CYSLTR2: variants seen among roughly 807,000 people sequenced by gnomAD.
CYSLTR2 encodes the protein G-protein coupled receptor GPCR21.
For missense variants in CYSLTR2, 398 were observed against 411.9 expected, an observed-to-expected ratio of 0.97 and a Z score of 0.29; for synonymous variants, 179 against 160.8, an observed-to-expected ratio of 1.11 and a Z score of -0.86.
Position 48,709,095 on chromosome 13 carries a change from G to A in CYSLTR2, c.*1237G>A, listed in dbSNP as rs574932004. On this transcript the variant is annotated 3_prime_UTR_variant, in exon 5 of 5. Coordinates refer to ENST00000682523, the MANE Select transcript of CYSLTR2 (RefSeq NM_001308476.3). ...TAGAGAAATTAAGAAGCTTGTTTAA[G>A]TTTACACAGCTAGTAAGAGTTTTAA... The A allele has an allele frequency of 2.4e-5, 4 of 167,212 alleles. No homozygotes were observed. The highest frequency in any genetic ancestry group is 1.9e-4 in the East Asian group (1 of 5,186). 10.4% of individuals were successfully genotyped at this position (167,212 alleles called of 1,614,324 possible).
rs559367784 is a variant in CYSLTR2 at position 48,663,128 on chromosome 13, C to A, written c.-266+9111C>A. On this transcript the variant is annotated intron_variant, in intron 1 of 4. Transcript: ENST00000682523. ...TTTTCCCCAATGAGTATTCTTGGCA[C>A]CTTTGTCAAAAATCAGTTTGCTGTA... Among the ~76,000 whole-genome samples the A allele has an allele frequency of 4.9e-4, 75 of 152,044 alleles. No individual in the cohort carries two copies. The Middle Eastern group carries it at 0.01, about 21-fold the overall frequency.
Position 48,707,756 on chromosome 13 carries a change from G to A in CYSLTR2, c.939G>A (p.Lys313=). 2 of 1,603,180 alleles carry A rather than the reference G, an allele frequency of 1.2e-6. No homozygotes were observed. The highest frequency in any genetic ancestry group is 1.7e-4 in the Middle Eastern group (1 of 6,004). Residue 313 remains lysine, a synonymous_variant, in exon 5 of 5, where the codon AAG becomes AAA. Coordinates refer to ENST00000682523, the MANE Select transcript of CYSLTR2 (RefSeq NM_001308476.3). ...ATTACTTTGCTGGGGAGAATTTTAA[G>A]GACAGACTAAAGTCTGCACTCAGAA... ...LLYYFAGENF[K]DRLKSALRKG...
intron 1 of CYSLTR2, among the ~76,000 whole-genome samples, chr13:48,675,361 G>A (rs531666855): frequency 3.9e-5 from 6 of 152,312 alleles, no homozygotes; most frequent in African/African-American, 7.2e-5. Context: ...AATCTAGACA[G>A]GCAGTCTGGC....
chr13:48,679,692 G>A (rs1367383241), intron 1 of CYSLTR2, among the ~76,000 whole-genome samples: 2 of 152,198 alleles, frequency 1.3e-5, no homozygotes, highest in East Asian at 3.9e-4. Context: ...AGTAACTGCA[G>A]TACAACTCAC....
In CYSLTR2 at chr13:48,664,478, C is replaced by G. The variant is rs575327456; in HGVS notation, c.-266+10461C>G. On this transcript the variant is annotated intron_variant, in intron 1 of 4. Coordinates refer to ENST00000682523, the MANE Select transcript of CYSLTR2 (RefSeq NM_001308476.3). ...ATCTGGTGTTTCTTTTTGGGAGACT[C>G]TTTATTACTGATTCAATCTTATTAT... Among the ~76,000 whole-genome samples the G allele has an allele frequency of 2.6e-5, 4 of 151,930 alleles. No homozygotes were observed. The South Asian group carries it at 8.3e-4, about 32-fold the overall frequency.
At chr13:48,686,368 C>G (rs1953893854) in intron 1 of CYSLTR2, among the ~76,000 whole-genome samples, 1 of 152,108 alleles carries the variant, frequency 6.6e-6, no homozygotes. Flanking sequence ...TCTTGCACAC[C>G]ATTGGAAATT....
rs1326224629 is a variant in CYSLTR2 at position 48,708,661 on chromosome 13, G to T, written c.*803G>T. 1.8e-5 allele frequency: 3 copies of T among 167,078 alleles called. No individual in the cohort carries two copies. The highest frequency in any genetic ancestry group is 7.2e-5 in the African/African-American group (3 of 41,444). 10.3% of individuals were successfully genotyped at this position (167,078 alleles called of 1,614,324 possible). ...GAGATGCAGGTTAGTTGACCTTGCT[G>T]CAGTTCTCCTTCCCATTAATTCATT... On this transcript the variant is annotated 3_prime_UTR_variant, in exon 5 of 5. Transcript: ENST00000682523.
intron 4 of CYSLTR2, 47 bp from the exon 5 acceptor site, chr13:48,706,770 G>T (rs1566108529): frequency 2.7e-6 from 4 of 1,463,392 alleles, no homozygotes; most frequent in Middle Eastern, 1.8e-4. Flanking sequence ...GAAGGAAAAA[G>T]GGAAATTCAC....
intron 1 of CYSLTR2, among the ~76,000 whole-genome samples, chr13:48,654,300 T>A (rs1413802691): frequency 0.02 from 1,103 of 54,496 alleles, 4 homozygotes; most frequent in African/African-American, 0.088. Context: ...TGTGTGTGTG[T>A]GTGTGAGTGT....
intron 1 of CYSLTR2, among the ~76,000 whole-genome samples, chr13:48,655,397 G>C (rs1428362722): frequency 6.6e-6 from 1 of 152,214 alleles, no homozygotes; most frequent in East Asian, 1.9e-4. Flanking sequence ...GAGCCACATA[G>C]ACATGGCATT....
chr13:48,701,326 C>T (rs1343089766), intron 4 of CYSLTR2, among the ~76,000 whole-genome samples: 1 of 152,116 alleles, frequency 6.6e-6, no homozygotes, highest in Non-Finnish European at 1.5e-5. Flanking sequence ...AGAAGTAATA[C>T]CATACATCTA....
At position 48,711,088 on chromosome 13, in the gene CYSLTR2, G is replaced by A. The variant is rs955376867; in HGVS notation, c.*3230G>A. On this transcript the variant is annotated 3_prime_UTR_variant, in exon 5 of 5. Transcript: ENST00000682523. ...GTAGAAGCAGAAGAAAGAATGGGCA[G>A]GGGTTACCTCTATGGAGAAGCTGGG... 1.3e-5 allele frequency: 2 copies of A among 152,218 alleles called. No homozygotes were observed. Among genetic ancestry groups the A allele is most frequent in the Non-Finnish European group, 2.9e-5 (2 of 68,050 alleles). The allele number at this position is 152,218 out of a possible 1,614,324, so 9.4% of individuals were successfully genotyped here.
At chr13:48,675,695 T>A (rs1360597885) in intron 1 of CYSLTR2, among the ~76,000 whole-genome samples, 1 of 151,904 alleles carries the variant, frequency 6.6e-6, no homozygotes, top group Admixed American at 6.6e-5. Flanking sequence ...CACCGAGGCA[T>A]AGCAAAAAAC....
Position 48,706,932 on chromosome 13 carries a change from G to T in CYSLTR2, c.115G>T (p.Glu39Ter). ...RNCTIENFKR[E>*]FFPIVYLIIF... ...CTGCACAATTGAAAACTTCAAGAGA[G>T]AATTTTTCCCAATTGTATATCTGAT... is the stretch of plus-strand genomic sequence containing the variant. Residue 39 changes from glutamate to a stop codon, truncating the protein, a stop_gained, in exon 5 of 5, where the codon GAA (glutamate) becomes TAA (stop). Coordinates refer to ENST00000682523, the MANE Select transcript of CYSLTR2 (RefSeq NM_001308476.3). LOFTEE classifies it low-confidence loss of function (END_TRUNC). 2.5e-6 allele frequency: 4 copies of T among 1,614,152 alleles called. No homozygotes were observed. The highest frequency in any genetic ancestry group is 3.4e-6 in the Non-Finnish European group (4 of 1,180,020).
Position 48,710,139 on chromosome 13 carries a change from T to C in CYSLTR2, c.*2281T>C, listed in dbSNP as rs1487330334. On this transcript the variant is annotated 3_prime_UTR_variant, in exon 5 of 5. Coordinates refer to ENST00000682523, the MANE Select transcript of CYSLTR2 (RefSeq NM_001308476.3). The stretch of plus-strand genomic sequence containing the variant: ...ATTTACATAGAGGATAATGTGAATA[T>C]AATAGTCTCCCATTATCTGTGGTTT... The C allele has an allele frequency of 1.3e-5, 2 of 152,366 alleles. No homozygotes were observed. The highest frequency in any genetic ancestry group is 4.1e-4 in the South Asian group (2 of 4,830). The allele number at this position is 152,366 out of a possible 1,614,324, so 9.4% of individuals were successfully genotyped here. A position where few individuals can be genotyped will look rare whatever the true frequency, so the allele number is the denominator to read the frequency against.
intron 2 of CYSLTR2, among the ~76,000 whole-genome samples, chr13:48,692,061 A>T (rs1219900897): frequency 6.6e-6 from 1 of 152,038 alleles, no homozygotes; most frequent in Admixed American, 6.6e-5. Flanking sequence ...CAAAAGACAT[A>T]TTAATAGCTT....
chr13:48,661,511 A>G (rs896171161), intron 1 of CYSLTR2, among the ~76,000 whole-genome samples: 1 of 151,486 alleles, frequency 6.6e-6, no homozygotes, highest in Admixed American at 6.6e-5. Context: ...CTAGGTCCCA[A>G]TTCTGAGGTT....
At chr13:48,688,047 G>A (rs764330960) in intron 1 of CYSLTR2, among the ~76,000 whole-genome samples, 1 of 152,150 alleles carries the variant, frequency 6.6e-6, no homozygotes, top group Non-Finnish European at 1.5e-5. Context: ...TTCTTACCCA[G>A]GATAGGCCCA....
chr13:48,667,315 T>C (rs1003774933), intron 1 of CYSLTR2, among the ~76,000 whole-genome samples: 1 of 152,242 alleles, frequency 6.6e-6, no homozygotes, highest in Non-Finnish European at 1.5e-5. Flanking sequence ...TTAAGTTTGC[T>C]AGGGTTAAGG....
Sources: allele counts gnomAD v4.1 joint callset (sites outside exome capture counted in the v4.1 genomes callset), GRCh38; gene constraint gnomAD v4.1.1; transcripts MANE v1.5; gene names NCBI Gene and HGNC (gene_info 2026-07-23, HGNC 2026-07-21).